Variants in TMEM131L observed in about 807,000 individuals in gnomAD.
TMEM131L encodes the protein transmembrane protein 131-like.
A neutral mutation model predicts 192.2 loss-of-function variants in TMEM131L; 54 were observed. That is an observed-to-expected ratio of 0.28 (90% confidence interval 0.23 to 0.35). The LOEUF (loss-of-function observed/expected upper bound fraction) is 0.35, where lower values mean the gene tolerates loss of function less well. Ranked by LOEUF, TMEM131L falls within the 10% of genes least tolerant of loss-of-function variation. TMEM131L has a pLI of 1.00. For missense variants in TMEM131L, 1,888 were observed against 1,972.9 expected, an observed-to-expected ratio of 0.96 and a Z score of 0.82; for synonymous variants, 701 against 704.9, an observed-to-expected ratio of 0.99 and a Z score of 0.09.
At chr4:153,596,861 CT>C (rs1731477249) in intron 20 of TMEM131L, among the ~76,000 whole-genome samples, 1 of 152,242 alleles carries the variant, frequency 6.6e-6, no homozygotes, top group Admixed American at 6.5e-5. Flanking sequence ...CTTTTTATTC[CT>C]TTTCTTCCTT....
At chr4:153,536,745 A>ATG (rs2150295186) in intron 3 of TMEM131L, among the ~76,000 whole-genome samples, 1 of 130,704 alleles carries the variant, frequency 7.7e-6, no homozygotes, top group South Asian at 2.4e-4. Context: ...CCTCCCTTCT[A>ATG]TGTATATATA....
chr4:153,543,512 G>A (rs533134991), intron 3 of TMEM131L, among the ~76,000 whole-genome samples: 27 of 152,322 alleles, frequency 1.8e-4, no homozygotes, highest in Non-Finnish European at 3.5e-4. Context: ...GTTCATAGGC[G>A]TTTCCAGGCA....
At chr4:153,544,840 G>C (rs908596008) in intron 3 of TMEM131L, among the ~76,000 whole-genome samples, 3 of 152,168 alleles carry the variant, frequency 2.0e-5, no homozygotes, top group African/African-American at 7.2e-5. Flanking sequence ...AGCCTGAGGG[G>C]AGCATCTTCC....
At chr4:153,477,913 T>C (rs1001439208) in intron 3 of TMEM131L, among the ~76,000 whole-genome samples, 2 of 152,220 alleles carry the variant, frequency 1.3e-5, no homozygotes, top group Non-Finnish European at 1.5e-5. Context: ...ACAATAAATT[T>C]TAGAAGAACA....
intron 3 of TMEM131L, among the ~76,000 whole-genome samples, chr4:153,486,936 G>A (rs753292761): frequency 1.2e-4 from 18 of 152,218 alleles, no homozygotes; most frequent in Non-Finnish European, 2.2e-4. Context: ...GGCCACCTGA[G>A]CTCAGCGAGA....
At chr4:153,599,547 AT>A (rs1265298238) in intron 21 of TMEM131L, among the ~76,000 whole-genome samples, 1 of 152,208 alleles carries the variant, frequency 6.6e-6, no homozygotes, top group Non-Finnish European at 1.5e-5. Flanking sequence ...GGGAAAAAAG[AT>A]TGTGTAATTG....
chr4:153,556,832 G>A (rs1728496172), intron 5 of TMEM131L, 134 bp from the exon 6 acceptor site: 1 of 569,544 alleles, frequency 1.8e-6, no homozygotes, highest in Non-Finnish European at 3.1e-6. Flanking sequence ...GGATTCTTAG[G>A]GATTCATAAT....
chr4:153,478,259 C>G (rs1014350923), intron 3 of TMEM131L, among the ~76,000 whole-genome samples: 1 of 152,092 alleles, frequency 6.6e-6, no homozygotes, highest in Non-Finnish European at 1.5e-5. Context: ...GAAGCTGTCT[C>G]CAAGAATTAG....
In TMEM131L at chr4:153,622,887, A is replaced by G. The variant is rs1733537934; in HGVS notation, c.3860-11A>G. ...GTTTCAGGGAAACATGACTCCTTTC[A>G]CTTCCTCCAGAAGGTTACTACCAGA... On this transcript the variant is annotated splice_polypyrimidine_tract_variant and intron_variant, in intron 28 of 34. Transcript: ENST00000409959. The G allele has an allele frequency of 1.2e-6, 2 of 1,613,768 alleles. No individual in the cohort carries two copies. The highest frequency in any genetic ancestry group is 2.2e-5 in the South Asian group (2 of 91,056).
intron 2 of TMEM131L, among the ~76,000 whole-genome samples, chr4:153,473,255 G>A (rs988900608): frequency 6.6e-6 from 1 of 152,212 alleles, no homozygotes; most frequent in Non-Finnish European, 1.5e-5. Flanking sequence ...AGGGTGATAA[G>A]GAGTGAATGA....
Position 153,636,689 on chromosome 4 carries a change from T to C in TMEM131L, c.*113T>C. Reference sequence around the variant, plus strand: ...TGGTGGATATTTTGGCACTTTTATATGAAAATAAATTTTTTAATGAAATCT... The same window carrying C: ...TGGTGGATATTTTGGCACTTTTATACGAAAATAAATTTTTTAATGAAATCT... On this transcript the variant is annotated 3_prime_UTR_variant, in exon 35 of 35. Coordinates refer to ENST00000409959, the MANE Select transcript of TMEM131L (RefSeq NM_001131007.2). 1 of 1,059,886 alleles carries C rather than the reference T, an allele frequency of 9.4e-7. No homozygotes were observed. Among genetic ancestry groups the C allele is most frequent in the East Asian group, 2.6e-5 (1 of 39,156 alleles). The allele number at this position is 1,059,886 out of a possible 1,614,324, so 65.7% of individuals were successfully genotyped here.
chr4:153,560,029 A>G (rs548113825), intron 7 of TMEM131L, among the ~76,000 whole-genome samples: 4 of 151,748 alleles, frequency 2.6e-5, no homozygotes, highest in South Asian at 2.1e-4. Context: ...ATTTTCTCCA[A>G]ATTAACCCTT....
intron 25 of TMEM131L, among the ~76,000 whole-genome samples, chr4:153,606,435 T>C (rs1732245038): frequency 6.6e-6 from 1 of 152,192 alleles, no homozygotes; most frequent in African/African-American, 2.4e-5. Flanking sequence ...TATATCTTAA[T>C]ACTTTAAAGC....
At chr4:153,617,009 T>C (rs1733019797) in intron 26 of TMEM131L, among the ~76,000 whole-genome samples, 1 of 152,218 alleles carries the variant, frequency 6.6e-6, no homozygotes, top group African/African-American at 2.4e-5. Context: ...TGAAAGGGTA[T>C]TGATATGGTT....
At chr4:153,573,973 G>T (rs530927346) in intron 7 of TMEM131L, among the ~76,000 whole-genome samples, 15 of 152,286 alleles carry the variant, frequency 9.8e-5, no homozygotes, top group Admixed American at 7.2e-4. Context: ...GTACCCAGTG[G>T]TTTGCATATG....
At chr4:153,553,666 C>G (rs1437607002) in intron 4 of TMEM131L, among the ~76,000 whole-genome samples, 1 of 152,124 alleles carries the variant, frequency 6.6e-6, no homozygotes, top group African/African-American at 2.4e-5. Flanking sequence ...AAATCCCAAC[C>G]CTCTTCATAG....
At chr4:153,592,066 G>A (rs1731104463) in intron 17 of TMEM131L, among the ~76,000 whole-genome samples, 1 of 151,942 alleles carries the variant, frequency 6.6e-6, no homozygotes, top group African/African-American at 2.4e-5. Context: ...ATAGTATAAT[G>A]ATCAAAATCA....
Position 153,623,069 on chromosome 4 carries a change from A to G in TMEM131L, c.4031A>G (p.His1344Arg). The change falls in exon 29 of 35, where the codon CAC becomes CGC. Residue 1344 changes from histidine to arginine, a missense_variant. Transcript: ENST00000409959. ...GDKKPMVDAQ[H>R]FLPAGDSVSQ... Reference sequence around the variant, plus strand: ...AAGAAGCCCATGGTGGACGCCCAGCACTTCCTGCCGGCCGGTGAGTCCTGA... The same window carrying G: ...AAGAAGCCCATGGTGGACGCCCAGCGCTTCCTGCCGGCCGGTGAGTCCTGA... 1 of 1,604,614 alleles carries G rather than the reference A, an allele frequency of 6.2e-7. No homozygotes were observed. The highest frequency in any genetic ancestry group is 8.5e-7 in the Non-Finnish European group (1 of 1,175,732).
intron 14 of TMEM131L, 100 bp downstream of exon 14, chr4:153,586,479 C>T (rs373230137): frequency 5.0e-5 from 42 of 837,374 alleles, no homozygotes; most frequent in Middle Eastern, 7.0e-4. Context: ...GTTAAGCTCA[C>T]GTTCTTTAAG....
Sources: gnomAD v4.1 joint callset for allele counts (sites outside exome capture counted in the v4.1 genomes callset) on GRCh38, gnomAD v4.1.1 for gene constraint, MANE v1.5 for transcripts, NCBI Gene and HGNC (gene_info 2026-07-23, HGNC 2026-07-21) for gene names.